CNTNAP2: variants seen among roughly 807,000 people sequenced by gnomAD.
CNTNAP2 encodes the protein contactin associated protein 2.
CNTNAP2 carries 98 observed loss-of-function variants against 155.2 expected under a neutral mutation model. The ratio of observed to expected loss-of-function variants is 0.63; its 90% CI spans 0.54 to 0.75. CNTNAP2 has a LOEUF of 0.75. CNTNAP2 is among the 30% of genes least tolerant of loss of function. The pLI is 0.00. For synonymous variants in CNTNAP2, 651 were observed against 631.2 expected (o/e 1.03, Z -0.47); for missense variants, 1,727 against 1,688.1 (o/e 1.02, Z -0.40).
At chr7:147,305,456 T>C (rs538127443) in intron 9 of CNTNAP2, among the ~76,000 whole-genome samples, 3 of 152,292 alleles carry the variant, frequency 2.0e-5, no homozygotes, top group South Asian at 2.1e-4. Flanking sequence ...CCAGAAATCC[T>C]TGGTTTGGCT....
At chr7:148,092,490 T>G (rs1411103617) in intron 15 of CNTNAP2, among the ~76,000 whole-genome samples, 3 of 152,156 alleles carry the variant, frequency 2.0e-5, no homozygotes, top group Non-Finnish European at 4.4e-5. Flanking sequence ...ATGGATCAAA[T>G]GCACTTAGGA....
intron 13 of CNTNAP2, among the ~76,000 whole-genome samples, chr7:147,749,342 G>A (rs1797096851): frequency 6.6e-6 from 1 of 152,122 alleles, no homozygotes; most frequent in Non-Finnish European, 1.5e-5. Context: ...ATGTGTCGTA[G>A]TCCATAATCA....
chr7:147,060,497 T>G (rs1341979392), intron 4 of CNTNAP2, among the ~76,000 whole-genome samples: 1 of 151,996 alleles, frequency 6.6e-6, no homozygotes, highest in African/African-American at 2.4e-5. Context: ...CAAACACAGG[T>G]GGAGCACAAG....
chr7:148,070,786 A>G (rs1429344963), intron 15 of CNTNAP2, among the ~76,000 whole-genome samples: 1 of 152,196 alleles, frequency 6.6e-6, no homozygotes, highest in Non-Finnish European at 1.5e-5. Context: ...TGACACCAAA[A>G]TAATTTTTAT....
chr7:146,939,889 AT>A (rs3081738), intron 3 of CNTNAP2, among the ~76,000 whole-genome samples: 3 of 151,856 alleles, frequency 2.0e-5, no homozygotes, highest in Non-Finnish European at 2.9e-5. Context: ...CACAAATGAG[AT>A]TTTTTTTCAG....
chr7:146,540,091 T>C (rs905682663), intron 1 of CNTNAP2, among the ~76,000 whole-genome samples: 1 of 151,998 alleles, frequency 6.6e-6, no homozygotes, highest in Non-Finnish European at 1.5e-5. Context: ...ACTTAATAGC[T>C]TTGGATTGGT....
chr7:146,339,945 C>T (rs1409525165), intron 1 of CNTNAP2, among the ~76,000 whole-genome samples: 1 of 151,892 alleles, frequency 6.6e-6, no homozygotes, highest in East Asian at 1.9e-4. Context: ...CCGAGGCGGG[C>T]GGATCACGAG....
chr7:147,754,996 G>A (rs1210378427), intron 13 of CNTNAP2, among the ~76,000 whole-genome samples: 4 of 152,146 alleles, frequency 2.6e-5, no homozygotes, highest in African/African-American at 9.7e-5. Flanking sequence ...AACGTCAATT[G>A]CCATTATCTA....
intron 15 of CNTNAP2, among the ~76,000 whole-genome samples, chr7:148,061,954 T>TTAG (rs1249759755): frequency 1.0e-5 from 1 of 95,944 alleles, no homozygotes; most frequent in African/African-American, 4.1e-5. Flanking sequence ...GATAAACAGA[T>TTAG]ATAGATAGAT....
chr7:146,542,534 T>C (rs747888470), intron 1 of CNTNAP2, among the ~76,000 whole-genome samples: 7 of 151,904 alleles, frequency 4.6e-5, no homozygotes, highest in Non-Finnish European at 8.8e-5. Flanking sequence ...TAAGGCCATC[T>C]TATCAGGTAA....
At chr7:147,191,107 A>C (rs2116523533) in intron 8 of CNTNAP2, among the ~76,000 whole-genome samples, 1 of 152,292 alleles carries the variant, frequency 6.6e-6, no homozygotes, top group South Asian at 2.1e-4. Flanking sequence ...GTCTAGAATC[A>C]TAGAGACAGG....
chr7:148,244,447 G>A (rs913084694), intron 20 of CNTNAP2, among the ~76,000 whole-genome samples: 2 of 152,066 alleles, frequency 1.3e-5, no homozygotes, highest in African/African-American at 2.4e-5. Flanking sequence ...TGAGCCCAGT[G>A]TGTATATTTA....
chr7:146,893,442 T>C (rs1280647176), intron 3 of CNTNAP2, among the ~76,000 whole-genome samples: 5 of 147,716 alleles, frequency 3.4e-5, no homozygotes, highest in African/African-American at 1.3e-4. Context: ...TGTGTGTGTA[T>C]GTATATATGT....
At chr7:147,623,109 C>G (rs536339711) in intron 12 of CNTNAP2, among the ~76,000 whole-genome samples, 1 of 151,816 alleles carries the variant, frequency 6.6e-6, no homozygotes, top group Admixed American at 6.6e-5. Context: ...GTAACAAGAT[C>G]GAAGCTATAA....
chr7:148,415,599 A>AAGGAATGGCTCATTTGAGGGGTGGCTAC lies in CNTNAP2; in HGVS notation c.3980_*11dup. 1 of 1,614,192 alleles carries AAGGAATGGCTCATTTGAGGGGTGGCTAC rather than the reference A, an allele frequency of 6.2e-7. No individual in the cohort carries two copies. Among genetic ancestry groups the AAGGAATGGCTCATTTGAGGGGTGGCTAC allele is most frequent in the East Asian group, 2.2e-5 (1 of 44,874 alleles). On this transcript the variant is annotated stop_gained and frameshift_variant, in exon 24 of 24. Transcript: ENST00000361727. LOFTEE classifies it high-confidence loss of function. ...CACAGAGACCATTGATGAAAGCAAA[A>AAGGAATGGCTCATTTGAGGGGTGGCTAC]AGGAATGGCTCATTTGAGGGGTGGC...
intron 14 of CNTNAP2, among the ~76,000 whole-genome samples, chr7:147,974,017 T>C (rs1563153990): frequency 6.6e-6 from 1 of 152,222 alleles, no homozygotes; most frequent in Non-Finnish European, 1.5e-5. Context: ...TCATCCCTGA[T>C]GTTAATCAGT....
chr7:148,341,860 C>T (rs761593071), intron 21 of CNTNAP2, among the ~76,000 whole-genome samples: 4 of 152,122 alleles, frequency 2.6e-5, no homozygotes, highest in Non-Finnish European at 1.5e-5. Context: ...CCACATTTGA[C>T]CCAGTCTCTA....
At chr7:146,933,631 T>A (rs1796835662) in intron 3 of CNTNAP2, among the ~76,000 whole-genome samples, 1 of 146,962 alleles carries the variant, frequency 6.8e-6, no homozygotes, top group Non-Finnish European at 1.5e-5. Flanking sequence ...CAAAAGAAAC[T>A]ACCATCAGAG....
At chr7:146,820,868 T>C (rs1361231003) in intron 2 of CNTNAP2, among the ~76,000 whole-genome samples, 1 of 152,208 alleles carries the variant, frequency 6.6e-6, no homozygotes, top group African/African-American at 2.4e-5. Flanking sequence ...TGCATATATA[T>C]TTAGAATAGT....
Sources: gnomAD v4.1 joint callset for allele counts (sites outside exome capture counted in the v4.1 genomes callset) on GRCh38, gnomAD v4.1.1 for gene constraint, MANE v1.5 for transcripts, NCBI Gene and HGNC (gene_info 2026-07-23, HGNC 2026-07-21) for gene names.